The following KCNJ6 variants were observed in gnomAD, a reference collection of about 807,000 sequenced individuals.
KCNJ6 encodes G protein-activated inward rectifier potassium channel 2.
Under a neutral mutation model 34.2 loss-of-function variants are expected in KCNJ6, and 9 were observed. The observed-to-expected ratio is 0.26, with a 90% CI of 0.16 to 0.46. KCNJ6 has a LOEUF of 0.46. KCNJ6 is among the 20% of genes least tolerant of loss of function. The probability of loss-of-function intolerance (pLI) is 1.00; values close to 1 mark genes in which losing one functional copy is unlikely to be tolerated. For missense variants in KCNJ6, 236 were observed against 531.3 expected (o/e 0.44, Z 5.46); for synonymous variants, 196 against 207.1 (o/e 0.95, Z 0.46).
chr21:37,720,468 G>A (rs1378850474), intron 2 of KCNJ6, among the ~76,000 whole-genome samples: 1 of 152,140 alleles, frequency 6.6e-6, no homozygotes, highest in African/African-American at 2.4e-5. Context: ...GACAAGTCGA[G>A]TCAGCTATCC....
At chr21:37,781,447 C>T (rs2055169122) in intron 2 of KCNJ6, among the ~76,000 whole-genome samples, 1 of 152,092 alleles carries the variant, frequency 6.6e-6, no homozygotes, top group Non-Finnish European at 1.5e-5. Context: ...CTCTTCTTGT[C>T]TTAGAAACAG....
chr21:37,682,137 CA>C (rs1217655268), intron 3 of KCNJ6, among the ~76,000 whole-genome samples: 1 of 152,160 alleles, frequency 6.6e-6, no homozygotes, highest in African/African-American at 2.4e-5. Context: ...CCTGCAGCCG[CA>C]GTAACAAATT....
At chr21:37,661,836 G>C (rs35491610) in intron 3 of KCNJ6, among the ~76,000 whole-genome samples, 2,369 of 151,162 alleles carry the variant, frequency 0.016, 20 homozygotes, top group Middle Eastern at 0.051. Flanking sequence ...CACCGTGTTA[G>C]TTGGGATGGT....
rs778078062 is a variant in KCNJ6, at chr21:37,805,938, A to AC, written c.25+34719_25+34720insG. ...ATGACCCTGTTGACATCTGAATTAC[A>AC]AACTTCTGGCCTCCAGACCTGCAAG... On this transcript the variant is annotated intron_variant, in intron 2 of 3. Transcript: ENST00000609713. 1.4e-4 allele frequency among the ~76,000 whole-genome samples: 21 copies of AC among 152,350 alleles called. No individual in the cohort carries two copies. The East Asian group carries it at 3.1e-3, about 22-fold the overall frequency.
At chr21:37,768,730 G>C (rs564294782) in intron 2 of KCNJ6, among the ~76,000 whole-genome samples, 1 of 152,212 alleles carries the variant, frequency 6.6e-6, no homozygotes, top group Admixed American at 6.5e-5. Flanking sequence ...TAAGGAAACT[G>C]TCCCCATGCT....
At chr21:37,811,459 C>T (rs1280200219) in intron 2 of KCNJ6, among the ~76,000 whole-genome samples, 1 of 152,082 alleles carries the variant, frequency 6.6e-6, no homozygotes, top group Non-Finnish European at 1.5e-5. Context: ...GATGCCTTAA[C>T]TTGTGGGAGC....
At chr21:37,841,999 C>T (rs955806121) in intron 1 of KCNJ6, among the ~76,000 whole-genome samples, 2 of 152,212 alleles carry the variant, frequency 1.3e-5, no homozygotes, top group East Asian at 3.9e-4. Flanking sequence ...TTGTCCCCCA[C>T]AAAGGTTGTA....
At chr21:37,889,981 G>A (rs1001248019) in intron 1 of KCNJ6, among the ~76,000 whole-genome samples, 2 of 152,192 alleles carry the variant, frequency 1.3e-5, no homozygotes, top group African/African-American at 4.8e-5. Context: ...GAGCTAGCCT[G>A]CACAAATTCA....
chr21:37,814,821 C>G (rs561171221), intron 2 of KCNJ6, among the ~76,000 whole-genome samples: 23 of 149,726 alleles, frequency 1.5e-4, no homozygotes, highest in Admixed American at 1.5e-3. Flanking sequence ...TGCTGTGAAC[C>G]CAGGAGGCGG....
Position 37,901,942 on chromosome 21 carries a change from TG to T in KCNJ6, c.-28+13941del, listed in dbSNP as rs1348612068. ...GGACAGGAAAACCAGCTAACTAATT[TG>T]TTTTTTTTAATTATCCCAATTTTGT... On this transcript the variant is annotated intron_variant, in intron 1 of 3. Coordinates refer to ENST00000609713, the MANE Select transcript of KCNJ6 (RefSeq NM_002240.5). 3.3e-5 allele frequency among the ~76,000 whole-genome samples: 5 copies of T among 152,278 alleles called. No homozygotes were observed. The South Asian group carries it at 8.3e-4, about 25-fold the overall frequency.
intron 3 of KCNJ6, among the ~76,000 whole-genome samples, chr21:37,687,761 A>G (rs2054622125): frequency 6.6e-6 from 1 of 152,186 alleles, no homozygotes; most frequent in Admixed American, 6.5e-5. Flanking sequence ...TAAAAAGGAC[A>G]CACCTCTGCT....
intron 3 of KCNJ6, among the ~76,000 whole-genome samples, chr21:37,670,370 T>C (rs1355372411): frequency 6.6e-6 from 1 of 152,172 alleles, no homozygotes; most frequent in Admixed American, 6.5e-5. Flanking sequence ...CCATATGAAC[T>C]TGAGGATTGG....
At chr21:37,845,632 A>T (rs976639246) in intron 1 of KCNJ6, among the ~76,000 whole-genome samples, 10 of 152,322 alleles carry the variant, frequency 6.6e-5, no homozygotes, top group African/African-American at 2.4e-4. Context: ...GTGGGTTTGT[A>T]ATCATTATTC....
rs117951067 is a variant in KCNJ6, at chr21:37,791,580, G to A, written c.25+49078C>T. On this transcript the variant is annotated intron_variant, in intron 2 of 3. Coordinates refer to ENST00000609713, the MANE Select transcript of KCNJ6 (RefSeq NM_002240.5). ...AGTTCTAATAAAAGAAGGAACCAGC[G>A]TACATAAAAGAAAATATAATTCTAG... 3.8e-4 allele frequency among the ~76,000 whole-genome samples: 58 copies of A among 152,302 alleles called. No homozygotes were observed. In the East Asian group the frequency reaches 0.011, roughly 28 times the overall value.
intron 2 of KCNJ6, among the ~76,000 whole-genome samples, chr21:37,788,848 C>G (rs1446034836): frequency 6.6e-6 from 1 of 152,046 alleles, no homozygotes; most frequent in Non-Finnish European, 1.5e-5. Context: ...AAACTGCTGA[C>G]TATTGAGTGA....
intron 2 of KCNJ6, among the ~76,000 whole-genome samples, chr21:37,755,398 T>C (rs1360022026): frequency 6.6e-6 from 1 of 152,238 alleles, no homozygotes; most frequent in Non-Finnish European, 1.5e-5. Context: ...CCTGAGACTT[T>C]CTTTGTTATC....
intron 1 of KCNJ6, among the ~76,000 whole-genome samples, chr21:37,868,143 G>C (rs754754947): frequency 1.1e-4 from 17 of 152,208 alleles, no homozygotes; most frequent in Non-Finnish European, 1.0e-4. Flanking sequence ...GCACTATGGG[G>C]ACAGTGGGGA....
At chr21:37,639,216 C>T (rs2054370747) in intron 3 of KCNJ6, among the ~76,000 whole-genome samples, 1 of 152,222 alleles carries the variant, frequency 6.6e-6, no homozygotes, top group South Asian at 2.1e-4. Context: ...ACCCACCCTC[C>T]TTTGATTTTT....
chr21:37,617,111 TC>T lies in KCNJ6; in HGVS notation c.*8047del, dbSNP rs1242767227. ...TCTTTCTTTCTTTTCTTTCTTTCTT[TC>T]CTTCTTCCTTCCTTCCTTCTTTCTT... On this transcript the variant is annotated 3_prime_UTR_variant, in exon 4 of 4. Transcript: ENST00000609713. 2.0e-4 allele frequency: 28 copies of T among 138,892 alleles called. No individual in the cohort carries two copies. The highest frequency in any genetic ancestry group is 6.1e-4 in the African/African-American group (22 of 35,952). 8.6% of individuals were successfully genotyped at this position (138,892 alleles called of 1,614,324 possible).
Sources: gnomAD v4.1 joint callset for allele counts (sites outside exome capture counted in the v4.1 genomes callset) on GRCh38, gnomAD v4.1.1 for gene constraint, MANE v1.5 for transcripts, NCBI Gene and HGNC (gene_info 2026-07-23, HGNC 2026-07-21) for gene names.